Variants in CDC34 observed in about 807,000 individuals in gnomAD.
CDC34 encodes cell division cycle 34, ubiquitin conjugating enzyme, also known as ubiquitin-conjugating enzyme E2 R1.
A neutral mutation model predicts 26.8 loss-of-function variants in CDC34; 18 were observed. The observed-to-expected ratio is 0.67, with a 90% confidence interval of 0.47 to 1.00. The LOEUF is 1.00. Ranked by LOEUF, CDC34 falls within the 50% of genes least tolerant of loss-of-function variation. The pLI is 0.00. For synonymous variants in CDC34, 178 were observed against 147.5 expected (o/e 1.21, Z -1.50); for missense variants, 280 against 334.5 (o/e 0.84, Z 1.27).
At chr19:533,267 C>T (rs1043258525) in intron 1 of CDC34, among the ~76,000 whole-genome samples, 3 of 152,184 alleles carry the variant, frequency 2.0e-5, no homozygotes, top group African/African-American at 7.2e-5. Context: ...AGCCTGGACA[C>T]GACACGACAC....
chr19:536,758 G>C, intron 3 of CDC34: 2 of 566,720 alleles, frequency 3.5e-6, no homozygotes, highest in South Asian at 4.1e-5. Flanking sequence ...GGACGTGCGG[G>C]TGTGAGGGCA....
chr19:539,329 C>T (rs1413342494), intron 4 of CDC34, among the ~76,000 whole-genome samples: 4 of 151,654 alleles, frequency 2.6e-5, no homozygotes, highest in African/African-American at 9.7e-5. Context: ...TCTGCGGTGC[C>T]GTCCCCGGGG....
At chr19:535,566 A>C (rs931430437) in intron 1 of CDC34, among the ~76,000 whole-genome samples, 1 of 152,188 alleles carries the variant, frequency 6.6e-6, no homozygotes, top group Admixed American at 6.5e-5. Flanking sequence ...GCCAGTGCCC[A>C]CGTTCCCCAG....
intron 4 of CDC34, chr19:538,844 C>T (rs1979883087): frequency 1.0e-6 from 1 of 985,112 alleles, no homozygotes; most frequent in Non-Finnish European, 1.2e-6. Context: ...ACCTGCTGGC[C>T]TCTGGAGGTC....
At chr19:532,231 G>T in intron 1 of CDC34, 123 bp downstream of exon 1, 1 of 729,600 alleles carries the variant, frequency 1.4e-6, no homozygotes, top group Non-Finnish European at 2.1e-6. Flanking sequence ...TCCTGGCTTG[G>T]GCTCGTTTCC....
At chr19:539,360 G>A (rs1177045310) in intron 4 of CDC34, among the ~76,000 whole-genome samples, 3 of 120,742 alleles carry the variant, frequency 2.5e-5, no homozygotes, top group Admixed American at 1.7e-4. Context: ...CCCCCAGCCC[G>A]TCCACCCTGG....
rs556458993 is a variant in CDC34 at position 541,712 on chromosome 19, G to A, written c.*160G>A. The A allele has an allele frequency of 5.9e-5, 45 of 766,950 alleles. No individual in the cohort carries two copies. The highest frequency in any genetic ancestry group is 5.4e-4 in the South Asian group (22 of 40,862). The allele number at this position is 766,950 out of a possible 1,614,324, so 47.5% of individuals were successfully genotyped here. A position where few individuals can be genotyped will look rare whatever the true frequency, so the allele number is the denominator to read the frequency against. ...CCCCATGTCTGTTCTGGGTTTTCACGTGCTTCAGAGAAGAGGGGCTGCCCC... is the reference window on the plus strand; with the variant it reads ...CCCCATGTCTGTTCTGGGTTTTCACATGCTTCAGAGAAGAGGGGCTGCCCC... On this transcript the variant is annotated 3_prime_UTR_variant, in exon 5 of 5. Transcript: ENST00000215574.
At chr19:538,798 G>T in intron 4 of CDC34, 1 of 985,280 alleles carries the variant, frequency 1.0e-6, no homozygotes, top group Non-Finnish European at 1.2e-6. Flanking sequence ...ATGGTGGGCG[G>T]GCCCCGTGCG....
Position 537,376 on chromosome 19 carries a change from A to G in CDC34, c.497+229A>G, listed in dbSNP as rs542181239. On this transcript the variant is annotated intron_variant, in intron 4 of 4. Coordinates refer to ENST00000215574, the MANE Select transcript of CDC34 (RefSeq NM_004359.2). ...TTTCCTCTTTTTTTTTGTTTGAGAC[A>G]GAGTCTCTCTCTGTCACCCAGGCTG... 1.5e-4 allele frequency among the ~76,000 whole-genome samples: 23 copies of G among 152,160 alleles called. No homozygotes were observed. The East Asian group carries it at 4.3e-3, about 28-fold the overall frequency.
chr19:534,502 C>T (rs1343966435), intron 1 of CDC34, among the ~76,000 whole-genome samples: 1 of 127,888 alleles, frequency 7.8e-6, no homozygotes, highest in Admixed American at 7.6e-5. Context: ...TCCAAGACCC[C>T]CTGAGTGCCC....
chr19:531,893 C>T lies in CDC34; in HGVS notation c.-39C>T, dbSNP rs1375589007. The stretch of plus-strand genomic sequence containing the variant: ...TCGCGAACTCGCGGTGGTCGCGCGG[C>T]CCCGCGCTGCTCCGACCCCGGGCCC... On this transcript the variant is annotated 5_prime_UTR_variant, in exon 1 of 5. Coordinates refer to ENST00000215574, the MANE Select transcript of CDC34 (RefSeq NM_004359.2). 1.8e-5 allele frequency: 23 copies of T among 1,305,818 alleles called. No homozygotes were observed. Among genetic ancestry groups the T allele is most frequent in the Non-Finnish European group, 2.1e-5 (22 of 1,027,170 alleles). The allele number at this position is 1,305,818 out of a possible 1,614,324, so 80.9% of individuals were successfully genotyped here.
In CDC34 at chr19:532,124, C is replaced by T. The variant is rs1979516726; in HGVS notation, c.177+16C>T. 1 of 1,483,986 alleles carries T rather than the reference C, an allele frequency of 6.7e-7. No individual in the cohort carries two copies. Among genetic ancestry groups the T allele is most frequent in the Non-Finnish European group, 8.9e-7 (1 of 1,126,904 alleles). 91.9% of individuals were successfully genotyped at this position (1,483,986 alleles called of 1,614,324 possible). On this transcript the variant is annotated intron_variant, in intron 1 of 4. Coordinates refer to ENST00000215574, the MANE Select transcript of CDC34 (RefSeq NM_004359.2). ...CTACTTCAAGGTGAGCGCGGCGACC[C>T]CCGCCCGGGTCCCGGAGCCCACGAG... is the stretch of plus-strand genomic sequence containing the variant.
At chr19:536,664 G>T in intron 3 of CDC34, 1 of 535,214 alleles carries the variant, frequency 1.9e-6, no homozygotes, top group Non-Finnish European at 3.4e-6. Context: ...TGGTCACCTC[G>T]TGCCACGTGT....
intron 3 of CDC34, 165 bp downstream of exon 3, chr19:536,505 A>G (rs918291867): frequency 4.9e-6 from 3 of 610,448 alleles, no homozygotes; most frequent in Non-Finnish European, 8.7e-6. Flanking sequence ...CTGTACCTGC[A>G]CGGTAGGTGC....
In CDC34 at chr19:537,004, T is replaced by G; in HGVS notation, c.363-9T>G. ...CGGGCCGCCCCACTCCGACCCACTC[T>G]CCCCACAGGACCATTCTCCTGAGTG... On this transcript the variant is annotated splice_polypyrimidine_tract_variant and intron_variant, in intron 3 of 4. Transcript: ENST00000215574. The G allele has an allele frequency of 6.2e-7, 1 of 1,613,354 alleles. No homozygotes were observed. Among genetic ancestry groups the G allele is most frequent in the Non-Finnish European group, 8.5e-7 (1 of 1,179,880 alleles).
intron 1 of CDC34, among the ~76,000 whole-genome samples, chr19:532,675 A>G (rs1322410406): frequency 3.3e-5 from 5 of 152,204 alleles, no homozygotes; most frequent in Non-Finnish European, 5.9e-5. Context: ...TCTCCAACAA[A>G]GGCCCGGATG....
chr19:540,916 C>A (rs987304442), intron 4 of CDC34, among the ~76,000 whole-genome samples: 1 of 152,212 alleles, frequency 6.6e-6, no homozygotes, highest in Non-Finnish European at 1.5e-5. Flanking sequence ...TGCTGGTTCC[C>A]GTCTCCAGGG....
At chr19:532,745 G>A (rs983756677) in intron 1 of CDC34, among the ~76,000 whole-genome samples, 1 of 152,238 alleles carries the variant, frequency 6.6e-6, no homozygotes, top group African/African-American at 2.4e-5. Flanking sequence ...CAGCCGGCCA[G>A]GCGCCCTGGG....
At chr19:532,598 G>A (rs1484976592) in intron 1 of CDC34, among the ~76,000 whole-genome samples, 1 of 152,230 alleles carries the variant, frequency 6.6e-6, no homozygotes, top group Non-Finnish European at 1.5e-5. Context: ...GCTATTGTTG[G>A]GGAGCTGGGC....
Sources: gnomAD v4.1 joint callset for allele counts (sites outside exome capture counted in the v4.1 genomes callset) on GRCh38, gnomAD v4.1.1 for gene constraint, MANE v1.5 for transcripts, NCBI Gene and HGNC (gene_info 2026-07-23, HGNC 2026-07-21) for gene names.